The following DCC variants were observed in gnomAD, a reference collection of about 807,000 sequenced individuals.
DCC encodes the protein DCC netrin 1 receptor.
Under a neutral mutation model 172.5 loss-of-function variants are expected in DCC, and 58 were observed. That is an observed-to-expected ratio of 0.34 (90% confidence interval 0.27 to 0.42). The LOEUF (loss-of-function observed/expected upper bound fraction) is 0.42. DCC is among the 10% of genes least tolerant of loss of function. DCC has a pLI of 1.00. For missense variants in DCC, 1,740 were observed against 1,791.0 expected (o/e 0.97, Z 0.51); for synonymous variants, 709 against 644.5 (o/e 1.10, Z -1.52).
intron 7 of DCC, among the ~76,000 whole-genome samples, chr18:53,091,875 A>G (rs112866638): frequency 1.4e-5 from 2 of 148,126 alleles, no homozygotes; most frequent in African/African-American, 2.5e-5. Flanking sequence ...ATATATATAT[A>G]TCTACATAAA....
chr18:52,844,708 G>A (rs938506061), intron 2 of DCC, among the ~76,000 whole-genome samples: 1 of 152,184 alleles, frequency 6.6e-6, no homozygotes, highest in African/African-American at 2.4e-5. Context: ...GATCTATGTA[G>A]AGTTAAAACT....
intron 2 of DCC, among the ~76,000 whole-genome samples, chr18:52,806,895 C>T (rs953570219): frequency 1.3e-5 from 2 of 152,124 alleles, no homozygotes; most frequent in Admixed American, 6.5e-5. Flanking sequence ...ATCCTGTTTC[C>T]TAAAGATATG....
chr18:53,178,216 C>T (rs1286885775), intron 8 of DCC, among the ~76,000 whole-genome samples: 1 of 152,162 alleles, frequency 6.6e-6, no homozygotes, highest in Non-Finnish European at 1.5e-5. Context: ...TCTAAAATGT[C>T]AGCATCCATA....
At chr18:52,802,909 G>C (rs1415548688) in intron 2 of DCC, among the ~76,000 whole-genome samples, 1 of 151,762 alleles carries the variant, frequency 6.6e-6, no homozygotes, top group Non-Finnish European at 1.5e-5. Flanking sequence ...GTTATATATT[G>C]CATTCTTGCA....
intron 1 of DCC, among the ~76,000 whole-genome samples, chr18:52,555,391 A>G (rs1450543740): frequency 6.6e-6 from 1 of 152,142 alleles, no homozygotes; most frequent in Non-Finnish European, 1.5e-5. Flanking sequence ...TAATGATTTG[A>G]AGAATGAATA....
intron 2 of DCC, among the ~76,000 whole-genome samples, chr18:52,779,620 A>G (rs4940213): frequency 0.8 from 121,359 of 152,134 alleles, 48,775 homozygotes; most frequent in East Asian, 0.92. Context: ...ACATACATGC[A>G]CATGTGTCTT....
chr18:52,837,836 A>G (rs1197809975), intron 2 of DCC, among the ~76,000 whole-genome samples: 1 of 152,178 alleles, frequency 6.6e-6, no homozygotes, highest in South Asian at 2.1e-4. Flanking sequence ...GTAATTTACA[A>G]AGGAAAGAGA....
intron 12 of DCC, among the ~76,000 whole-genome samples, chr18:53,227,936 A>T (rs1012296382): frequency 3.3e-5 from 5 of 152,186 alleles, no homozygotes; most frequent in Admixed American, 2.6e-4. Flanking sequence ...CACAAAAGGG[A>T]TTTATATGTC....
At chr18:53,076,087 C>T (rs998707390) in intron 7 of DCC, among the ~76,000 whole-genome samples, 2 of 152,116 alleles carry the variant, frequency 1.3e-5, no homozygotes, top group African/African-American at 4.8e-5. Flanking sequence ...TCTTTCCCAA[C>T]TCCTCTTAAT....
At chr18:52,491,961 T>C (rs2144606000) in intron 1 of DCC, among the ~76,000 whole-genome samples, 1 of 151,598 alleles carries the variant, frequency 6.6e-6, no homozygotes, top group East Asian at 1.9e-4. Context: ...TAGGATATGA[T>C]GAGACAAAAA....
intron 1 of DCC, among the ~76,000 whole-genome samples, chr18:52,577,058 C>A (rs1423597898): frequency 6.6e-6 from 1 of 152,160 alleles, no homozygotes; most frequent in Non-Finnish European, 1.5e-5. Context: ...TGTTACAGTG[C>A]AGCTCTGAAC....
At chr18:52,602,250 G>A (rs2034031886) in intron 1 of DCC, among the ~76,000 whole-genome samples, 1 of 152,036 alleles carries the variant, frequency 6.6e-6, no homozygotes, top group Non-Finnish European at 1.5e-5. Context: ...GAGTAAAATA[G>A]AAAGCCTTGA....
intron 2 of DCC, among the ~76,000 whole-genome samples, chr18:52,762,987 C>G (rs2037188156): frequency 6.6e-6 from 1 of 152,210 alleles, no homozygotes; most frequent in Non-Finnish European, 1.5e-5. Context: ...AGTACACAGA[C>G]ACATTCACAC....
chr18:52,844,454 G>A (rs748811769), intron 2 of DCC, among the ~76,000 whole-genome samples: 2 of 152,146 alleles, frequency 1.3e-5, no homozygotes, highest in Non-Finnish European at 2.9e-5. Context: ...CCTCTTGTAT[G>A]TTTTCCACAC....
At chr18:52,367,107 G>T (rs886298288) in intron 1 of DCC, among the ~76,000 whole-genome samples, 2 of 152,218 alleles carry the variant, frequency 1.3e-5, no homozygotes, top group African/African-American at 4.8e-5. Context: ...GGCTGGCACT[G>T]CTGGGGGACC....
At chr18:53,114,949 C>T (rs2043389109) in intron 7 of DCC, among the ~76,000 whole-genome samples, 1 of 151,672 alleles carries the variant, frequency 6.6e-6, no homozygotes, top group Admixed American at 6.6e-5. Context: ...CCACTGCCAT[C>T]AATGCTAACA....
chr18:52,920,533 ATAAT>A (rs755376079), intron 3 of DCC, among the ~76,000 whole-genome samples: 15 of 151,012 alleles, frequency 9.9e-5, no homozygotes, highest in Non-Finnish European at 1.6e-4. Flanking sequence ...TACAAAAAAA[ATAAT>A]GGCAATAGCA....
chr18:53,161,366 T>C (rs546214930), intron 8 of DCC, among the ~76,000 whole-genome samples: 32 of 152,318 alleles, frequency 2.1e-4, no homozygotes, highest in African/African-American at 7.7e-4. Flanking sequence ...AGTTTCCTAT[T>C]GCACATGCTC....
chr18:53,079,919 T>C (rs564294287), intron 7 of DCC, among the ~76,000 whole-genome samples: 316 of 152,270 alleles, frequency 2.1e-3, no homozygotes, highest in African/African-American at 7.4e-3. Context: ...GATCACAGAG[T>C]ATCTTTTAGA....
Sources: allele counts gnomAD v4.1 joint callset (sites outside exome capture counted in the v4.1 genomes callset), GRCh38; gene constraint gnomAD v4.1.1; transcripts MANE v1.5; gene names NCBI Gene and HGNC (gene_info 2026-07-23, HGNC 2026-07-21).